NKAIN4: variants seen among roughly 807,000 people sequenced by gnomAD.
NKAIN4 encodes the protein sodium/potassium transporting ATPase interacting 4.
Under a neutral mutation model 28.8 loss-of-function variants are expected in NKAIN4, and 28 were observed. That is an observed-to-expected ratio of 0.97 (90% confidence interval 0.72 to 1.33). The LOEUF is 1.33. NKAIN4 is among the 40% of genes most tolerant of loss of function. The pLI, the probability that NKAIN4 is intolerant of heterozygous loss-of-function variation, is 0.00. For missense variants in NKAIN4, 289 were observed against 277.2 expected, an observed-to-expected ratio of 1.04 and a Z score of -0.30; for synonymous variants, 122 against 115.6, an observed-to-expected ratio of 1.06 and a Z score of -0.36.
In NKAIN4 at chr20:63,252,050, G is replaced by A. The variant is rs567236378; in HGVS notation, c.55-1978C>T. On this transcript the variant is annotated intron_variant, in intron 1 of 6. Coordinates refer to ENST00000370316, the MANE Select transcript of NKAIN4 (RefSeq NM_152864.4). This position sits in a 1 kb window ranked among gnomAD's most constrained non-coding sequence, Gnocchi z 4.6. ...AGGTCTGGGCTGGCGGCTGGGACAA[G>A]CTGCACATCTCGGCTAAGGGGTCTC... is the stretch of plus-strand genomic sequence containing the variant. Among the ~76,000 whole-genome samples the A allele has an allele frequency of 6.6e-6, 1 of 152,334 alleles. No individual in the cohort carries two copies. Among genetic ancestry groups the A allele is most frequent in the South Asian group, 2.1e-4 (1 of 4,828 alleles).
At position 63,241,432 on chromosome 20, in the gene NKAIN4, T is replaced by C; in HGVS notation, c.*65A>G. 1.3e-6 allele frequency: 2 copies of C among 1,541,774 alleles called. No homozygotes were observed. Among genetic ancestry groups the C allele is most frequent in the South Asian group, 1.2e-5 (1 of 83,840 alleles). On this transcript the variant is annotated 3_prime_UTR_variant, in exon 7 of 7. Coordinates refer to ENST00000370316, the MANE Select transcript of NKAIN4 (RefSeq NM_152864.4). ...GCGCGTCCCAAGGCCTGGGAGCTCC[T>C]GTCATTGTCACTGGTCGGTCGCTGA...
rs553448751 is a variant in NKAIN4 at position 63,249,955 on chromosome 20, G to A, written c.172C>T (p.Arg58Trp). The A allele has an allele frequency of 2.3e-5, 37 of 1,613,434 alleles. No individual in the cohort carries two copies. The highest frequency in any genetic ancestry group is 4.5e-5 in the East Asian group (2 of 44,876). ...ILGLFGTIQYRLRYVMVYTLW... is the reference protein window; with the variant it reads ...ILGLFGTIQYWLRYVMVYTLW... ...CTCACCACCATGACATAGCGCAGCC[G>A]GTACTGGATGGTGCCGAAGAGTCCC... Residue 58 changes from arginine (R) to tryptophan (W), a missense_variant, in exon 2 of 7, where the codon CGG (arginine) becomes TGG (tryptophan). Transcript: ENST00000370316.
Position 63,241,400 on chromosome 20 carries a change from G to C in NKAIN4, c.*97C>G. ...GCTGCCGGCCGCCTGGGGGGTGCTGGGTGGGGGCGCGTCCCAAGGCCTGGG... is the reference window on the plus strand; with the variant it reads ...GCTGCCGGCCGCCTGGGGGGTGCTGCGTGGGGGCGCGTCCCAAGGCCTGGG... On this transcript the variant is annotated 3_prime_UTR_variant, in exon 7 of 7. Coordinates refer to ENST00000370316, the MANE Select transcript of NKAIN4 (RefSeq NM_152864.4). The C allele has an allele frequency of 7.4e-7, 1 of 1,352,348 alleles. No individual in the cohort carries two copies. The allele number at this position is 1,352,348 out of a possible 1,614,324, so 83.8% of individuals were successfully genotyped here.
chr20:63,253,528 G>T lies in NKAIN4; in HGVS notation c.54+869C>A, dbSNP rs569511584. 5 of 985,044 alleles carry T rather than the reference G, an allele frequency of 5.1e-6. No homozygotes were observed. The East Asian group carries it at 5.7e-4, about 112-fold the overall frequency. 61.0% of individuals were successfully genotyped at this position (985,044 alleles called of 1,614,324 possible). A position where few individuals can be genotyped will look rare whatever the true frequency, so the allele number is the denominator to read the frequency against. ...GGAGGGGGGCGCGCGGTCCAGCTGC[G>T]CTCCGCAGCCCACAAAGCATCGTTT... is the stretch of plus-strand genomic sequence containing the variant. On this transcript the variant is annotated intron_variant, in intron 1 of 6. Coordinates refer to ENST00000370316, the MANE Select transcript of NKAIN4 (RefSeq NM_152864.4).
At chr20:63,241,767 G>A (rs893424807) in intron 6 of NKAIN4, 4 of 661,922 alleles carry the variant, frequency 6.0e-6, no homozygotes, top group African/African-American at 1.8e-5. Context: ...GAGTGGAGAG[G>A]GGGCTCACCC....
chr20:63,249,337 C>G (rs2066916714), intron 2 of NKAIN4: 1 of 226,664 alleles, frequency 4.4e-6, no homozygotes, highest in Admixed American at 5.1e-5. Flanking sequence ...CAGCCACACC[C>G]ATTTGTGCAC....
At chr20:63,249,905 C>T (rs1410541620) in intron 2 of NKAIN4, 30 bp downstream of exon 2, 1 of 1,594,510 alleles carries the variant, frequency 6.3e-7, no homozygotes. Context: ...AACCCACCTG[C>T]CCATAAAGAG....
intron 4 of NKAIN4, chr20:63,246,509 C>T: frequency 1.0e-6 from 1 of 985,440 alleles, no homozygotes; most frequent in Non-Finnish European, 1.2e-6. Flanking sequence ...GCCCCGGGAG[C>T]TCACGAGGCC....
At chr20:63,246,927 C>T (rs1601284954) in intron 4 of NKAIN4, 1 of 985,868 alleles carries the variant, frequency 1.0e-6, no homozygotes, top group African/African-American at 1.7e-5. Context: ...GCCGTGTGGC[C>T]ATACCAGGAG....
intron 1 of NKAIN4, chr20:63,254,157 G>T: frequency 2.4e-6 from 1 of 423,428 alleles, no homozygotes; most frequent in Non-Finnish European, 4.2e-6. Context: ...CGCCGCTCCG[G>T]ACCCGCGGCC....
At chr20:63,254,179 A>G in intron 1 of NKAIN4, 1 of 417,648 alleles carries the variant, frequency 2.4e-6, no homozygotes, top group Non-Finnish European at 4.2e-6. Context: ...CCCCCCGCGC[A>G]CGCACACCGG....
chr20:63,243,397 G>A (rs953190798), intron 5 of NKAIN4, among the ~76,000 whole-genome samples: 5 of 152,066 alleles, frequency 3.3e-5, no homozygotes, highest in African/African-American at 4.8e-5. Context: ...TCTGACCCCA[G>A]GGAGAGTTCT....
intron 3 of NKAIN4, chr20:63,248,047 G>A (rs1044795310): frequency 2.9e-6 from 1 of 347,144 alleles, no homozygotes; most frequent in Non-Finnish European, 5.2e-6. Context: ...CTCGCTCTCA[G>A]GGGCACCGGG....
intron 5 of NKAIN4, among the ~76,000 whole-genome samples, 188 bp from the exon 6 acceptor site, chr20:63,242,811 T>G (rs1308966777): frequency 7.8e-6 from 1 of 127,954 alleles, no homozygotes; most frequent in Non-Finnish European, 1.6e-5. Context: ...ACCCGGGTCC[T>G]CGGCCTGTGC....
At position 63,241,449 on chromosome 20, in the gene NKAIN4, G is replaced by C; in HGVS notation, c.*48C>G. The C allele has an allele frequency of 6.5e-7, 1 of 1,549,112 alleles. No individual in the cohort carries two copies. Reference sequence around the variant, plus strand: ...GGAGCTCCTGTCATTGTCACTGGTCGGTCGCTGAGGCTGGAGGCCACAGGA... The same window carrying C: ...GGAGCTCCTGTCATTGTCACTGGTCCGTCGCTGAGGCTGGAGGCCACAGGA... On this transcript the variant is annotated 3_prime_UTR_variant, in exon 7 of 7. Transcript: ENST00000370316.
chr20:63,252,746 C>T lies in NKAIN4; in HGVS notation c.54+1651G>A, dbSNP rs971315937. On this transcript the variant is annotated intron_variant, in intron 1 of 6. Coordinates refer to ENST00000370316, the MANE Select transcript of NKAIN4 (RefSeq NM_152864.4). This position sits in a 1 kb window ranked among gnomAD's most constrained non-coding sequence, Gnocchi z 4.6. ...CTGCGGCCCTCAAGCCAGGATGACTCTTTCCCTCTTGGCTGCAACCAAATT... is the reference window on the plus strand; with the variant it reads ...CTGCGGCCCTCAAGCCAGGATGACTTTTTCCCTCTTGGCTGCAACCAAATT... Among the ~76,000 whole-genome samples, 5 of 152,194 alleles carry T rather than the reference C, an allele frequency of 3.3e-5. No individual in the cohort carries two copies. Among genetic ancestry groups the T allele is most frequent in the African/African-American group, 4.8e-5 (2 of 41,438 alleles).
At chr20:63,254,900 A>G (rs1433411893), upstream of NKAIN4, 1 of 155,978 alleles carries the variant, frequency 6.4e-6, no homozygotes. Context: ...AGCGACCCGC[A>G]TCCGCGAGGC....
chr20:63,254,465 C>A, upstream of NKAIN4: 1 of 1,328,546 alleles, frequency 7.5e-7, no homozygotes, highest in Non-Finnish European at 9.6e-7. Context: ...CCCGCCTATA[C>A]AGGAGGCCCC....
chr20:63,250,888 CATCCCCCACCCCAGCCGCCCT>C (rs1467595993), intron 1 of NKAIN4, among the ~76,000 whole-genome samples: 2 of 148,326 alleles, frequency 1.3e-5, no homozygotes, highest in African/African-American at 2.5e-5. Context: ...GAACCCACCC[CATCCCCCACCCCAGCCGCCCT>C]ATCCCCCACC....
Sources: gnomAD v4.1 joint callset for allele counts (sites outside exome capture counted in the v4.1 genomes callset) on GRCh38, gnomAD v4.1.1 for gene constraint, Gnocchi (gnomAD v3.1) non-coding constraint, MANE v1.5 for transcripts, NCBI Gene and HGNC (gene_info 2026-07-23, HGNC 2026-07-21) for gene names.